Variants in ANXA8 observed in about 807,000 individuals in gnomAD.
ANXA8 encodes annexin A8.
ANXA8 carries 9 observed loss-of-function variants against 26.8 expected under a neutral mutation model. That is an observed-to-expected ratio of 0.34 (90% CI 0.20 to 0.59). The LOEUF is 0.59. Among genes scored for constraint, ANXA8 ranks in the 20% least tolerant of loss-of-function variants. The pLI is 0.84. For synonymous variants in ANXA8, 39 were observed against 94.8 expected, an observed-to-expected ratio of 0.41 and a Z score of 3.42; for missense variants, 83 against 238.5, an observed-to-expected ratio of 0.35 and a Z score of 4.29.
the ANXA8 span, among the ~76,000 whole-genome samples, chr10:47,739,937 TAA>T: frequency 1.3e-5 from 1 of 77,354 alleles, no homozygotes; most frequent in African/African-American, 5.6e-5. Flanking sequence ...TATAAAACAC[TAA>T]AAAAAAAAAA....
the ANXA8 span, among the ~76,000 whole-genome samples, chr10:47,554,950 C>T: frequency 6.6e-6 from 1 of 151,482 alleles, no homozygotes; most frequent in Non-Finnish European, 1.5e-5. Context: ...CATTCTTGTC[C>T]TCTGCCCTAC....
chr10:47,664,561 T>C, the ANXA8 span, among the ~76,000 whole-genome samples: 1 of 149,614 alleles, frequency 6.7e-6, no homozygotes, highest in African/African-American at 2.5e-5. Context: ...AGAGTGAGAC[T>C]CTGTCTCAAA....
chr10:47,948,096 C>T, the ANXA8 span, among the ~76,000 whole-genome samples: 3 of 148,626 alleles, frequency 2.0e-5, no homozygotes, highest in East Asian at 4.3e-4. Context: ...TTCCTTCAGT[C>T]AAAGCTTCAA....
chr10:47,687,311 G>A, the ANXA8 span, among the ~76,000 whole-genome samples: 6 of 149,870 alleles, frequency 4.0e-5, no homozygotes, highest in African/African-American at 9.8e-5. Context: ...CACCCAGGCT[G>A]GAGTGCTGGA....
the ANXA8 span, among the ~76,000 whole-genome samples, chr10:47,664,483 G>A: frequency 4.2e-3 from 643 of 151,620 alleles, 2 homozygotes; most frequent in Non-Finnish European, 7.7e-3. Flanking sequence ...CAGGAGAATC[G>A]CTTGAACTCG....
At chr10:47,645,836 T>A in the ANXA8 span, among the ~76,000 whole-genome samples, 1 of 149,426 alleles carries the variant, frequency 6.7e-6, no homozygotes, top group Non-Finnish European at 1.5e-5. Context: ...GAAGGGCGAA[T>A]TTAATCTGTC....
At chr10:47,626,608 T>C in the ANXA8 span, among the ~76,000 whole-genome samples, 1 of 150,146 alleles carries the variant, frequency 6.7e-6, no homozygotes, top group Non-Finnish European at 1.5e-5. Flanking sequence ...TTATTACTCA[T>C]GATAATTGGG....
At chr10:47,668,334 C>T in the ANXA8 span, among the ~76,000 whole-genome samples, 3 of 149,078 alleles carry the variant, frequency 2.0e-5, no homozygotes, top group Non-Finnish European at 4.4e-5. Flanking sequence ...CTTGCTCTGT[C>T]GTGGCTCACT....
the ANXA8 span, among the ~76,000 whole-genome samples, chr10:47,656,143 TC>T: frequency 6.6e-6 from 1 of 151,666 alleles, no homozygotes; most frequent in Non-Finnish European, 1.5e-5. Flanking sequence ...ACGCCTATAA[TC>T]CCAGCACTTT....
the ANXA8 span, among the ~76,000 whole-genome samples, chr10:47,556,771 A>G: frequency 6.8e-6 from 1 of 147,584 alleles, no homozygotes; most frequent in Non-Finnish European, 1.5e-5. Context: ...TAAATTTTTA[A>G]TGAAAAAAAG....
the ANXA8 span, among the ~76,000 whole-genome samples, chr10:47,769,757 G>A: frequency 6.6e-6 from 1 of 152,312 alleles, no homozygotes; most frequent in African/African-American, 2.4e-5. Context: ...TAAATGATTG[G>A]TCTCAAGTTC....
the ANXA8 span, among the ~76,000 whole-genome samples, chr10:47,609,218 C>T: frequency 6.8e-6 from 1 of 147,038 alleles, no homozygotes. Flanking sequence ...CCCCTGCAGC[C>T]TTGTCTTGTG....
rs1839299988 is a variant in ANXA8, at chr10:47,470,439, T to G, written c.924+823A>C. ...AGCACAGTCCAGGCTGGTGTGTGCC[T>G]TGCCCTCCTGTCTCCCGACAAGATT... is the stretch of plus-strand genomic sequence containing the variant. On this transcript the variant is annotated intron_variant, in intron 11 of 11. Transcript: ENST00000585281. Among the ~76,000 whole-genome samples, 4 of 132,572 alleles carry G rather than the reference T, an allele frequency of 3.0e-5. No homozygotes were observed. The South Asian group carries it at 1.1e-3, about 38-fold the overall frequency. The allele number at this position is 132,572 out of a possible 152,430, so 87.0% of individuals were successfully genotyped here.
the ANXA8 span, among the ~76,000 whole-genome samples, chr10:47,645,124 GA>G: frequency 1.3e-5 from 2 of 150,830 alleles, no homozygotes; most frequent in African/African-American, 2.5e-5. Context: ...AATAACATTT[GA>G]AAAAATAATG....
the ANXA8 span, among the ~76,000 whole-genome samples, chr10:47,647,878 A>G: frequency 6.6e-6 from 1 of 151,968 alleles, no homozygotes; most frequent in African/African-American, 2.4e-5. Context: ...AACACTGTGG[A>G]AAGCAAAGAA....
chr10:47,694,538 G>A, the ANXA8 span, among the ~76,000 whole-genome samples: 162 of 149,304 alleles, frequency 1.1e-3, no homozygotes, highest in African/African-American at 3.2e-3. Flanking sequence ...CTCCTGCCTC[G>A]GCCTCCCAAG....
the ANXA8 span, among the ~76,000 whole-genome samples, chr10:47,672,616 A>G: frequency 6.6e-6 from 1 of 151,900 alleles, no homozygotes; most frequent in Non-Finnish European, 1.5e-5. Flanking sequence ...AAAAAATGGG[A>G]CAAATACATT....
the ANXA8 span, among the ~76,000 whole-genome samples, chr10:47,778,016 G>C: frequency 6.6e-6 from 1 of 152,098 alleles, no homozygotes; most frequent in South Asian, 2.1e-4. Flanking sequence ...ACTTGTACCA[G>C]CCCGACTCAT....
At chr10:47,684,430 G>A in the ANXA8 span, among the ~76,000 whole-genome samples, 4 of 151,318 alleles carry the variant, frequency 2.6e-5, no homozygotes, top group South Asian at 2.1e-4. Context: ...TTTTGGGGGG[G>A]GGGTGAGGAG....
Sources: gnomAD v4.1 joint callset for allele counts (sites outside exome capture counted in the v4.1 genomes callset) on GRCh38, gnomAD v4.1.1 for gene constraint, MANE v1.5 for transcripts, NCBI Gene and HGNC (gene_info 2026-07-23, HGNC 2026-07-21) for gene names.